The following GRK4 variants were observed in gnomAD, a reference collection of about 807,000 sequenced individuals.
GRK4 encodes G protein-coupled receptor kinase 2-like.
Under a neutral mutation model 77.9 loss-of-function variants are expected in GRK4, and 73 were observed. The ratio of observed to expected loss-of-function variants is 0.94; its 90% confidence interval spans 0.78 to 1.14. GRK4 has a LOEUF of 1.14. GRK4 is among the 50% of genes most tolerant of loss of function. The pLI is 0.00. For synonymous variants in GRK4, 257 were observed against 254.4 expected, an observed-to-expected ratio of 1.01 and a Z score of -0.10; for missense variants, 729 against 700.2, an observed-to-expected ratio of 1.04 and a Z score of -0.46.
At chr4:2,979,729 A>G (rs1295499631) in intron 1 of GRK4, among the ~76,000 whole-genome samples, 1 of 152,150 alleles carries the variant, frequency 6.6e-6, no homozygotes, top group Admixed American at 6.5e-5. Flanking sequence ...CCCCCCAAAA[A>G]AAATCCATGT....
intron 4 of GRK4, among the ~76,000 whole-genome samples, chr4:3,003,059 C>T (rs1367753429): frequency 6.6e-6 from 1 of 152,182 alleles, no homozygotes; most frequent in East Asian, 1.9e-4. Context: ...TGAAATTCTG[C>T]GTCCATTCAA....
At chr4:2,973,490 C>T (rs552026846) in intron 1 of GRK4, among the ~76,000 whole-genome samples, 93 of 152,248 alleles carry the variant, frequency 6.1e-4, no homozygotes, top group African/African-American at 2.0e-3. Context: ...CTCATTGGTA[C>T]GAGAAAGAGC....
intron 10 of GRK4, among the ~76,000 whole-genome samples, chr4:3,025,613 C>A (rs941429707): frequency 1.3e-5 from 2 of 151,692 alleles, no homozygotes; most frequent in Non-Finnish European, 2.9e-5. Flanking sequence ...AGGATGGTCT[C>A]GATCTCCTGA....
rs1226660804 is a variant in GRK4, at chr4:3,029,228, A to G, written c.1088A>G (p.Tyr363Cys). The G allele has an allele frequency of 2.5e-6, 4 of 1,613,688 alleles. No homozygotes were observed. The highest frequency in any genetic ancestry group is 3.4e-6 in the Non-Finnish European group (4 of 1,179,664). ...MAPEVVNNEK[Y>C]TFSPDWWGLG... ...CCTGAAGTTGTCAATAATGAAAAGT[A>G]TACGTTTAGTCCCGATTGGTGGGGA... is the stretch of plus-strand genomic sequence containing the variant. Residue 363 changes from tyrosine (Y) to cysteine (C), a missense_variant, in exon 12 of 16, where the codon TAT (tyrosine) becomes TGT (cysteine). Tyr to Cys is a radical substitution (Grantham distance 194). Transcript: ENST00000398052.
chr4:2,975,886 C>T (rs1010074215), intron 1 of GRK4, among the ~76,000 whole-genome samples: 1 of 152,166 alleles, frequency 6.6e-6, no homozygotes, highest in Non-Finnish European at 1.5e-5. Flanking sequence ...AAAAATCAAA[C>T]CAAAATTGAG....
intron 15 of GRK4, 108 bp downstream of exon 15, chr4:3,038,621 C>T (rs965493948): frequency 1.6e-6 from 2 of 1,255,596 alleles, no homozygotes; most frequent in Non-Finnish European, 2.2e-6. Flanking sequence ...ATGGCTCCTA[C>T]AGGCAGTTTT....
At chr4:2,985,729 TG>T in intron 2 of GRK4, 1 of 325,464 alleles carries the variant, frequency 3.1e-6, no homozygotes, top group Non-Finnish European at 6.0e-6. Context: ...CCGGGTGTGG[TG>T]GCTCACGCCC....
At chr4:2,986,354 CTTTTTTT>C (rs36001597) in intron 2 of GRK4, among the ~76,000 whole-genome samples, 1 of 73,282 alleles carries the variant, frequency 1.4e-5, no homozygotes, top group Non-Finnish European at 2.5e-5. Flanking sequence ...AAGGTGTTAT[CTTTTTTT>C]TTTTTTTTTT....
At chr4:3,001,089 ATGTG>A (rs1490130793) in intron 4 of GRK4, among the ~76,000 whole-genome samples, 4 of 82,418 alleles carry the variant, frequency 4.9e-5, no homozygotes, top group African/African-American at 1.7e-4. Flanking sequence ...ATATATATAT[ATGTG>A]TGTGTGTGTG....
intron 11 of GRK4, among the ~76,000 whole-genome samples, chr4:3,028,922 C>T: frequency 6.6e-6 from 1 of 152,150 alleles, no homozygotes; most frequent in East Asian, 1.9e-4. Context: ...CAGGCGCCTG[C>T]CGCCATACCT....
At chr4:3,024,910 C>A (rs112145576) in intron 10 of GRK4, among the ~76,000 whole-genome samples, 1 of 152,052 alleles carries the variant, frequency 6.6e-6, no homozygotes, top group African/African-American at 2.4e-5. Context: ...TAAAATATTT[C>A]TTTGCAGTTC....
At chr4:2,972,740 A>G (rs1719953759) in intron 1 of GRK4, among the ~76,000 whole-genome samples, 1 of 151,924 alleles carries the variant, frequency 6.6e-6, no homozygotes, top group Admixed American at 6.6e-5. Context: ...ACTCTTTAAA[A>G]AAATTTTTTT....
At chr4:2,981,019 G>T (rs1018399448) in intron 1 of GRK4, among the ~76,000 whole-genome samples, 1 of 152,244 alleles carries the variant, frequency 6.6e-6, no homozygotes, top group Non-Finnish European at 1.5e-5. Flanking sequence ...AGGCACAGGC[G>T]CTGGTTACCT....
intron 13 of GRK4, among the ~76,000 whole-genome samples, chr4:3,036,885 C>T (rs1287951096): frequency 6.6e-6 from 1 of 152,190 alleles, no homozygotes; most frequent in Non-Finnish European, 1.5e-5. Flanking sequence ...AGAATTGTCA[C>T]TAAGGGATCC....
chr4:3,033,564 A>G (rs772589682), intron 12 of GRK4, among the ~76,000 whole-genome samples: 1 of 152,034 alleles, frequency 6.6e-6, no homozygotes, highest in Non-Finnish European at 1.5e-5. Context: ...TAATTTTCAG[A>G]TCTGTTTTAT....
chr4:3,023,343 G>A (rs1736586146), intron 10 of GRK4, among the ~76,000 whole-genome samples: 1 of 152,218 alleles, frequency 6.6e-6, no homozygotes. Context: ...AAGCAGTGCT[G>A]GGAGAGAGCT....
At position 3,004,327 on chromosome 4, in the gene GRK4, T is replaced by C; in HGVS notation, c.436T>C (p.Cys146Arg). The change falls in exon 5 of 16, where the codon TGT becomes CGT. Residue 146 changes from cysteine to arginine, a missense_variant. Coordinates refer to ENST00000398052, the MANE Select transcript of GRK4 (RefSeq NM_182982.3). ...CCCTTCCAAAAAAGCCTTTGAGGAA[T>C]GTACTAGGTAAGTGGTTCATGCTGA... ...ENPSKKAFEE[C>R]TRVAHNYLRG... The C allele has an allele frequency of 6.3e-7, 1 of 1,595,318 alleles. No homozygotes were observed. Among genetic ancestry groups the C allele is most frequent in the Non-Finnish European group, 8.6e-7 (1 of 1,162,934 alleles).
At position 2,992,232 on chromosome 4, in the gene GRK4, C is replaced by T. The variant is rs772197669; in HGVS notation, c.279C>T (p.Ala93=). 1.1e-5 allele frequency: 17 copies of T among 1,608,766 alleles called. No homozygotes were observed. The highest frequency in any genetic ancestry group is 1.7e-4 in the Middle Eastern group (1 of 6,050). ...CCAATCAGGCAGAATATGAAGTTGC[C>T]GATGATGAGGACCGAAGTGATTGTG... The part of the protein sequence containing the change: ...FLDAVAEYEV[A]DDEDRSDCGL... The change falls in exon 4 of 16, where the codon GCC becomes GCT. Residue 93 remains alanine (A), a synonymous_variant. Coordinates refer to ENST00000398052, the MANE Select transcript of GRK4 (RefSeq NM_182982.3).
intron 8 of GRK4, among the ~76,000 whole-genome samples, chr4:3,015,531 C>T (rs1055949036): frequency 1.3e-5 from 2 of 151,964 alleles, no homozygotes; most frequent in Admixed American, 6.6e-5. Context: ...AAGAATTAGC[C>T]AGGCGTGGTG....
Sources: allele counts gnomAD v4.1 joint callset (sites outside exome capture counted in the v4.1 genomes callset), GRCh38; gene constraint gnomAD v4.1.1; transcripts MANE v1.5; gene names NCBI Gene and HGNC (gene_info 2026-07-23, HGNC 2026-07-21).